Variants in SLC25A21 observed in about 807,000 individuals in gnomAD.
The protein encoded by SLC25A21 is solute carrier family 25 member 21.
Under a neutral mutation model 43.8 loss-of-function variants are expected in SLC25A21, and 47 were observed. The ratio of observed to expected loss-of-function variants is 1.07; its 90% confidence interval spans 0.85 to 1.37. SLC25A21 has a LOEUF of 1.37. Ranked by LOEUF, SLC25A21 falls within the 40% of genes most tolerant of loss-of-function variation. SLC25A21 has a pLI of 0.00. For missense variants in SLC25A21, 352 were observed against 350.2 expected (o/e 1.00, Z -0.04); for synonymous variants, 131 against 121.3 (o/e 1.08, Z -0.52).
In SLC25A21 at chr14:36,727,770, G is replaced by A. The variant is rs920498327; in HGVS notation, c.330+1737C>T. ...TAGGAGAGAGAGACTCACTGATGATGTTTCCATTTCATCTCCCTTCATTAT... is the reference window on the plus strand; with the variant it reads ...TAGGAGAGAGAGACTCACTGATGATATTTCCATTTCATCTCCCTTCATTAT... On this transcript the variant is annotated intron_variant, in intron 5 of 9. Transcript: ENST00000331299. Among the ~76,000 whole-genome samples, 84 of 152,016 alleles carry A rather than the reference G, an allele frequency of 5.5e-4. 1 individual carries two copies. The highest frequency in any genetic ancestry group is 1.0e-4 in the Non-Finnish European group (7 of 68,006).
chr14:36,804,132 T>C (rs1199778628), intron 3 of SLC25A21, among the ~76,000 whole-genome samples: 1 of 152,166 alleles, frequency 6.6e-6, no homozygotes, highest in Non-Finnish European at 1.5e-5. Context: ...GATATCAAGA[T>C]CAATTTTTCT....
At chr14:36,819,082 G>A (rs542179642) in intron 2 of SLC25A21, among the ~76,000 whole-genome samples, 1 of 152,304 alleles carries the variant, frequency 6.6e-6, no homozygotes, top group Non-Finnish European at 1.5e-5. Context: ...AGTGGACAAT[G>A]AAGTAACACT....
intron 1 of SLC25A21, among the ~76,000 whole-genome samples, chr14:37,073,795 GGGC>G (rs1344083957): frequency 1.3e-5 from 2 of 152,042 alleles, no homozygotes; most frequent in African/African-American, 4.8e-5. Context: ...TTACCTATTT[GGGC>G]ATAACCCAGG....
chr14:37,165,056 G>A (rs1211105421), intron 1 of SLC25A21, among the ~76,000 whole-genome samples: 2 of 152,218 alleles, frequency 1.3e-5, no homozygotes, highest in Non-Finnish European at 2.9e-5. Flanking sequence ...AGTAAAAACA[G>A]AGTAATTGAT....
At chr14:37,021,764 T>C (rs1211621725) in intron 1 of SLC25A21, among the ~76,000 whole-genome samples, 1 of 152,004 alleles carries the variant, frequency 6.6e-6, no homozygotes, top group Non-Finnish European at 1.5e-5. Context: ...TTTTTGTTTT[T>C]GTTGTCTTCC....
intron 7 of SLC25A21, among the ~76,000 whole-genome samples, chr14:36,691,787 G>C (rs2139152762): frequency 6.6e-6 from 1 of 152,242 alleles, no homozygotes; most frequent in South Asian, 2.1e-4. Context: ...TTATTTATAA[G>C]TGGTATGTAT....
intron 1 of SLC25A21, among the ~76,000 whole-genome samples, chr14:37,107,278 A>G (rs12885552): frequency 1.3e-5 from 2 of 152,212 alleles, no homozygotes; most frequent in East Asian, 3.9e-4. Flanking sequence ...CCTGGGCTCA[A>G]GCAATCCTCC....
At chr14:36,899,424 A>T (rs1425595353) in intron 1 of SLC25A21, among the ~76,000 whole-genome samples, 1 of 152,232 alleles carries the variant, frequency 6.6e-6, no homozygotes, top group African/African-American at 2.4e-5. Context: ...CTTGAATGCA[A>T]ATTGACAAAA....
intron 9 of SLC25A21, among the ~76,000 whole-genome samples, chr14:36,682,164 CTCAT>C (rs1882299867): frequency 6.9e-6 from 1 of 145,072 alleles, no homozygotes; most frequent in African/African-American, 2.7e-5. Context: ...CTGTCTCTCT[CTCAT>C]TCTTTTTTTT....
At position 37,073,894 on chromosome 14, in the gene SLC25A21, T is replaced by C. The variant is rs576848119; in HGVS notation, c.70+98387A>G. On this transcript the variant is annotated intron_variant, in intron 1 of 9. Coordinates refer to ENST00000331299, the MANE Select transcript of SLC25A21 (RefSeq NM_030631.4). ...TTTCTGTACTCTTTGAACATATCTA[T>C]AGTGTCCAAAATGCTTTCTGCCTTT... Among the ~76,000 whole-genome samples, 76 of 151,804 alleles carry C rather than the reference T, an allele frequency of 5.0e-4. No individual in the cohort carries two copies. In the South Asian group the frequency reaches 5.2e-3, roughly 10 times the overall value.
At chr14:37,041,718 T>C (rs539762329) in intron 1 of SLC25A21, among the ~76,000 whole-genome samples, 19 of 152,262 alleles carry the variant, frequency 1.2e-4, no homozygotes, top group African/African-American at 4.3e-4. Context: ...TGTGCTTAAA[T>C]ATGTAGCTAA....
rs186341528 is a variant in SLC25A21 at position 37,089,866 on chromosome 14, T to C, written c.70+82415A>G. On this transcript the variant is annotated intron_variant, in intron 1 of 9. Transcript: ENST00000331299. ...AAGTTGATGTCTTATCTAATTGCCC[T>C]TTAAAGTGACATCTTCCATCGCACA... is the stretch of plus-strand genomic sequence containing the variant. 5.0e-4 allele frequency among the ~76,000 whole-genome samples: 76 copies of C among 152,354 alleles called. 1 individual carries two copies. Among genetic ancestry groups the C allele is most frequent in the Admixed American group, 9.2e-4 (14 of 15,296 alleles).
intron 1 of SLC25A21, among the ~76,000 whole-genome samples, chr14:37,132,882 C>A (rs1963414621): frequency 6.6e-6 from 1 of 152,010 alleles, no homozygotes; most frequent in Non-Finnish European, 1.5e-5. Flanking sequence ...AGGCACACAC[C>A]ACCATACCAA....
intron 2 of SLC25A21, among the ~76,000 whole-genome samples, chr14:36,830,907 C>T (rs1220607391): frequency 6.6e-6 from 1 of 152,156 alleles, no homozygotes; most frequent in Non-Finnish European, 1.5e-5. Context: ...TCCCCTCTCT[C>T]TCAGCTCCCT....
intron 3 of SLC25A21, among the ~76,000 whole-genome samples, chr14:36,809,723 T>C (rs1447130460): frequency 2.0e-5 from 3 of 152,130 alleles, no homozygotes; most frequent in African/African-American, 7.2e-5. Flanking sequence ...TGTTTTTAAA[T>C]AAAAGAAAAG....
Position 36,776,230 on chromosome 14 carries a change from C to CTTTTTTTTTTTTTTTTTTTTTTTT in SLC25A21, c.203+37687_203+37688insAAAAAAAAAAAAAAAAAAAAAAAA, listed in dbSNP as rs1328087696. The stretch of plus-strand genomic sequence containing the variant: ...ACTGCTTTCTTTTTTCTTTTTCTTT[C>CTTTTTTTTTTTTTTTTTTTTTTTT]TTTCTTTCTTTTTTTTTTTTTTTTG... On this transcript the variant is annotated intron_variant, in intron 3 of 9. Transcript: ENST00000331299. Among the ~76,000 whole-genome samples, 56 of 70,818 alleles carry CTTTTTTTTTTTTTTTTTTTTTTTT rather than the reference C, an allele frequency of 7.9e-4. 5 individuals carry two copies. The highest frequency in any genetic ancestry group is 9.5e-4 in the Non-Finnish European group (38 of 40,134). 46.5% of individuals were successfully genotyped at this position (70,818 alleles called of 152,430 possible). A position where few individuals can be genotyped will look rare whatever the true frequency, so the allele number is the denominator to read the frequency against.
In SLC25A21 at chr14:36,990,925, T is replaced by C. The variant is rs550117561; in HGVS notation, c.71-115921A>G. Among the ~76,000 whole-genome samples, 15 of 151,996 alleles carry C rather than the reference T, an allele frequency of 9.9e-5. No individual in the cohort carries two copies. The South Asian group carries it at 2.5e-3, about 25-fold the overall frequency. On this transcript the variant is annotated intron_variant, in intron 1 of 9. Transcript: ENST00000331299. ...GCTTCAAAAAAAAAAAAATCAGTCA[T>C]GTTCCCAAGCTCTTTAATTTTATCA... is the stretch of plus-strand genomic sequence containing the variant.
At position 37,098,798 on chromosome 14, in the gene SLC25A21, TAGATAGA is replaced by T. The variant is rs1455627014; in HGVS notation, c.70+73476_70+73482del. Among the ~76,000 whole-genome samples, 73 of 96,356 alleles carry T rather than the reference TAGATAGA, an allele frequency of 7.6e-4. 4 individuals carry two copies. In the East Asian group the frequency reaches 0.026, roughly 35 times the overall value. 63.2% of individuals were successfully genotyped at this position (96,356 alleles called of 152,430 possible). A position where few individuals can be genotyped will look rare whatever the true frequency, so the allele number is the denominator to read the frequency against. On this transcript the variant is annotated intron_variant, in intron 1 of 9. Transcript: ENST00000331299. ...ACAGACAGACAGACAGATAGATAGA[TAGATAGA>T]TTTTTTTTTTTTTTTGAGACAAAGT...
Position 36,718,839 on chromosome 14 carries a change from G to A in SLC25A21, c.438+6731C>T, listed in dbSNP as rs561740984. Among the ~76,000 whole-genome samples the A allele has an allele frequency of 6.6e-5, 10 of 152,266 alleles. No individual in the cohort carries two copies. In the South Asian group the frequency reaches 2.1e-3, roughly 32 times the overall value. ...GTTGATCCTTAAAATTATAATCAGA[G>A]CAAGATAGAACACTAATTATTTCTT... On this transcript the variant is annotated intron_variant, in intron 6 of 9. Transcript: ENST00000331299.
Sources: gnomAD v4.1 joint callset for allele counts (sites outside exome capture counted in the v4.1 genomes callset) on GRCh38, gnomAD v4.1.1 for gene constraint, MANE v1.5 for transcripts, NCBI Gene and HGNC (gene_info 2026-07-23, HGNC 2026-07-21) for gene names.